The following PAPPA2 variants were observed in gnomAD, a reference collection of about 807,000 sequenced individuals.
PAPPA2 encodes the protein pappalysin 2.
A neutral mutation model predicts 176.4 loss-of-function variants in PAPPA2; 86 were observed. The ratio of observed to expected loss-of-function variants is 0.49; its 90% CI spans 0.41 to 0.58. PAPPA2 has a LOEUF of 0.58. Among genes scored for constraint, PAPPA2 ranks in the 20% least tolerant of loss-of-function variants. The pLI is 0.00. For synonymous variants in PAPPA2, 809 were observed against 852.2 expected (o/e 0.95, Z 0.88); for missense variants, 2,073 against 2,256.9 (o/e 0.92, Z 1.65).
At chr1:176,566,275 G>T (rs781355881) in intron 2 of PAPPA2, among the ~76,000 whole-genome samples, 11 of 152,136 alleles carry the variant, frequency 7.2e-5, no homozygotes, top group Non-Finnish European at 1.6e-4. Flanking sequence ...GGGTGCAGGT[G>T]GGGGAAGGAG....
chr1:176,481,019 C>G (rs1005905763), intron 1 of PAPPA2, among the ~76,000 whole-genome samples: 1 of 152,108 alleles, frequency 6.6e-6, no homozygotes, highest in African/African-American at 2.4e-5. Flanking sequence ...TCGTTCTGCC[C>G]TTGGCCTACC....
chr1:176,785,032 T>C lies in PAPPA2; in HGVS notation c.4716-4777T>C, dbSNP rs149574266. On this transcript the variant is annotated intron_variant, in intron 17 of 22. Coordinates refer to ENST00000367662, the MANE Select transcript of PAPPA2 (RefSeq NM_020318.3). Reference sequence around the variant, plus strand: ...CCCTACTCCCTAAAATACCATCACATTGGGAGTTAGGATTTCACCATATGA... The same window carrying C: ...CCCTACTCCCTAAAATACCATCACACTGGGAGTTAGGATTTCACCATATGA... Among the ~76,000 whole-genome samples, 278 of 152,190 alleles carry C rather than the reference T, an allele frequency of 1.8e-3. 1 individual carries two copies. Among genetic ancestry groups the C allele is most frequent in the African/African-American group, 5.7e-3 (237 of 41,530 alleles).
At chr1:176,785,354 G>A (rs1282614299) in intron 17 of PAPPA2, among the ~76,000 whole-genome samples, 2 of 152,134 alleles carry the variant, frequency 1.3e-5, no homozygotes, top group African/African-American at 4.8e-5. Context: ...CCTATCAAAT[G>A]CTTTGCTAGA....
At chr1:176,764,058 A>G (rs1444750013) in intron 14 of PAPPA2, among the ~76,000 whole-genome samples, 2 of 152,180 alleles carry the variant, frequency 1.3e-5, no homozygotes, top group African/African-American at 4.8e-5. Context: ...CCCTGACTTT[A>G]TAACAATCCA....
In PAPPA2 at chr1:176,737,096, G is replaced by A. The variant is rs963165947; in HGVS notation, c.3799-2530G>A. On this transcript the variant is annotated intron_variant, in intron 12 of 22. Coordinates refer to ENST00000367662, the MANE Select transcript of PAPPA2 (RefSeq NM_020318.3). The stretch of plus-strand genomic sequence containing the variant: ...TTTTTTTTTGGAAATACAAATTATC[G>A]AACACTGAATTCTTACTAAATAATA... 1.6e-4 allele frequency among the ~76,000 whole-genome samples: 24 copies of A among 149,576 alleles called. 1 individual carries two copies. The highest frequency in any genetic ancestry group is 1.3e-3 in the South Asian group (6 of 4,722).
At chr1:176,550,490 C>A (rs796659908) in intron 1 of PAPPA2, among the ~76,000 whole-genome samples, 1 of 152,208 alleles carries the variant, frequency 6.6e-6, no homozygotes, top group African/African-American at 2.4e-5. Context: ...AAGGGCTCCA[C>A]GAGCTAGTTC....
chr1:176,717,410 G>A (rs1465032937), intron 12 of PAPPA2, among the ~76,000 whole-genome samples: 1 of 152,166 alleles, frequency 6.6e-6, no homozygotes, highest in African/African-American at 2.4e-5. Flanking sequence ...AAAACTCCTT[G>A]CCCCTTTTCC....
intron 20 of PAPPA2, among the ~76,000 whole-genome samples, chr1:176,797,094 A>G (rs986625677): frequency 1.3e-5 from 2 of 152,256 alleles, no homozygotes; most frequent in East Asian, 1.9e-4. Context: ...TGCTAATAGC[A>G]TAATTGCAAT....
At chr1:176,495,520 C>G (rs968975271) in intron 1 of PAPPA2, among the ~76,000 whole-genome samples, 1 of 124,116 alleles carries the variant, frequency 8.1e-6, no homozygotes, top group South Asian at 2.5e-4. Flanking sequence ...AGCCTGGCAA[C>G]AAGTGAAACT....
Position 176,479,931 on chromosome 1 carries a change from C to T in PAPPA2, c.-917+16513C>T, listed in dbSNP as rs140674994. On this transcript the variant is annotated intron_variant, in intron 1 of 22. Transcript: ENST00000367662. ...GAAAGTTAGAAAAGAATTATATTCA[C>T]AAGCTTGGATTTGAAGTTTTAGCCT... Among the ~76,000 whole-genome samples the T allele has an allele frequency of 7.3e-4, 111 of 152,324 alleles. No homozygotes were observed. The East Asian group carries it at 0.016, about 22-fold the overall frequency.
rs767023495 is a variant in PAPPA2, at chr1:176,699,084, G to A, written c.2747-16G>A. 1.9e-6 allele frequency: 3 copies of A among 1,597,222 alleles called. No homozygotes were observed. The highest frequency in any genetic ancestry group is 1.7e-5 in the Admixed American group (1 of 58,720). On this transcript the variant is annotated splice_polypyrimidine_tract_variant and intron_variant, in intron 7 of 22. Transcript: ENST00000367662. The stretch of plus-strand genomic sequence containing the variant: ...ATGGCTGCTACTGATGTATCTTTCT[G>A]CTAATCTCCCCCCAGGGCCTCCTGA...
At chr1:176,643,723 A>G (rs1011413346) in intron 3 of PAPPA2, among the ~76,000 whole-genome samples, 1 of 151,884 alleles carries the variant, frequency 6.6e-6, no homozygotes, top group African/African-American at 2.4e-5. Context: ...ACCACAAAAG[A>G]GTGAGTCATA....
At chr1:176,627,099 C>T (rs1302969693) in intron 3 of PAPPA2, among the ~76,000 whole-genome samples, 2 of 151,922 alleles carry the variant, frequency 1.3e-5, no homozygotes, top group Admixed American at 6.6e-5. Context: ...ACATCCAGAC[C>T]TATGCTACTG....
intron 14 of PAPPA2, among the ~76,000 whole-genome samples, chr1:176,761,689 C>G (rs1663706269): frequency 6.6e-6 from 1 of 152,124 alleles, no homozygotes; most frequent in African/African-American, 2.4e-5. Context: ...GGGAGATGGC[C>G]CGGTGGTCTA....
intron 1 of PAPPA2, among the ~76,000 whole-genome samples, chr1:176,542,686 TACGGGCTC>T (rs567061178): frequency 1.4e-4 from 21 of 152,302 alleles, no homozygotes; most frequent in Admixed American, 1.3e-3. Flanking sequence ...CTGACAAGCT[TACGGGCTC>T]AGACTGCCTT....
chr1:176,767,881 T>A (rs777113020), intron 15 of PAPPA2, among the ~76,000 whole-genome samples: 1 of 152,238 alleles, frequency 6.6e-6, no homozygotes, highest in Admixed American at 6.5e-5. Context: ...TGGGGATATT[T>A]GCTTTTTGTT....
intron 21 of PAPPA2, among the ~76,000 whole-genome samples, chr1:176,835,884 C>G (rs1042261581): frequency 1.1e-4 from 16 of 151,972 alleles, no homozygotes; most frequent in African/African-American, 3.1e-4. Flanking sequence ...GCCCTACAGG[C>G]CCCCCCAGGT....
rs558526993 is a variant in PAPPA2, at chr1:176,834,006, A to G, written c.5203-6167A>G. Among the ~76,000 whole-genome samples the G allele has an allele frequency of 6.6e-5, 10 of 152,328 alleles. No individual in the cohort carries two copies. In the South Asian group the frequency reaches 2.1e-3, roughly 32 times the overall value. On this transcript the variant is annotated intron_variant, in intron 21 of 22. Transcript: ENST00000367662. The stretch of plus-strand genomic sequence containing the variant: ...TACCTAGCAAATTTTCTAGCAGTAC[A>G]GGAATAATGAAAAGGAAGGATCTGG...
chr1:176,552,737 C>G (rs888074618), intron 1 of PAPPA2, among the ~76,000 whole-genome samples: 6 of 152,218 alleles, frequency 3.9e-5, no homozygotes, highest in Non-Finnish European at 8.8e-5. Context: ...TCCATTCCCT[C>G]TAGCTTCGCT....
Sources: gnomAD v4.1 joint callset for allele counts (sites outside exome capture counted in the v4.1 genomes callset) on GRCh38, gnomAD v4.1.1 for gene constraint, MANE v1.5 for transcripts, NCBI Gene and HGNC (gene_info 2026-07-23, HGNC 2026-07-21) for gene names.